The following RGS7 variants were observed in gnomAD, a reference collection of about 807,000 sequenced individuals.
RGS7 encodes the protein regulator of G-protein signaling 7.
RGS7 carries 27 observed loss-of-function variants against 81.1 expected under a neutral mutation model. The ratio of observed to expected loss-of-function variants is 0.33; its 90% CI spans 0.25 to 0.46. RGS7 has a LOEUF of 0.46. RGS7 is among the 20% of genes least tolerant of loss of function. RGS7 has a pLI of 1.00. For synonymous variants in RGS7, 208 were observed against 207.7 expected (o/e 1.00, Z -0.01); for missense variants, 396 against 607.4 (o/e 0.65, Z 3.66).
chr1:241,238,652 G>A (rs1002575907), intron 2 of RGS7, among the ~76,000 whole-genome samples: 13 of 151,740 alleles, frequency 8.6e-5, no homozygotes, highest in Admixed American at 4.6e-4. Flanking sequence ...CTCCTGCCTC[G>A]GCCTCCTGAG....
intron 2 of RGS7, among the ~76,000 whole-genome samples, chr1:241,281,489 C>A (rs566035426): frequency 1.3e-4 from 20 of 152,310 alleles, no homozygotes; most frequent in Middle Eastern, 3.4e-3. Context: ...ACCGTAAACG[C>A]TGAATAACAC....
At chr1:241,137,549 C>T (rs543257435) in intron 2 of RGS7, among the ~76,000 whole-genome samples, 2 of 152,178 alleles carry the variant, frequency 1.3e-5, no homozygotes, top group Non-Finnish European at 2.9e-5. Flanking sequence ...ACTGCCACAA[C>T]TTCCATCACA....
chr1:240,834,956 A>AC (rs774507572), intron 9 of RGS7, among the ~76,000 whole-genome samples: 10 of 144,564 alleles, frequency 6.9e-5, no homozygotes, highest in Admixed American at 2.0e-4. Flanking sequence ...ACACACACAC[A>AC]AACTCAAAAT....
At chr1:240,840,991 A>G (rs562536362) in intron 9 of RGS7, among the ~76,000 whole-genome samples, 10 of 152,260 alleles carry the variant, frequency 6.6e-5, no homozygotes, top group African/African-American at 2.2e-4. Flanking sequence ...GGTACCTATA[A>G]CTTAACCTCT....
intron 9 of RGS7, among the ~76,000 whole-genome samples, chr1:240,862,869 A>G (rs1662469517): frequency 1.3e-5 from 2 of 152,080 alleles, no homozygotes; most frequent in African/African-American, 4.8e-5. Context: ...CATAACAAAA[A>G]TAAGACCCTA....
At chr1:240,914,683 A>G (rs762333140) in intron 6 of RGS7, among the ~76,000 whole-genome samples, 2 of 152,314 alleles carry the variant, frequency 1.3e-5, no homozygotes, top group Non-Finnish European at 2.9e-5. Flanking sequence ...TCCCTTGCAA[A>G]CATCTGCTCT....
At chr1:241,280,227 T>C (rs562152753) in intron 2 of RGS7, among the ~76,000 whole-genome samples, 1 of 152,252 alleles carries the variant, frequency 6.6e-6, no homozygotes, top group East Asian at 1.9e-4. Flanking sequence ...AAATGTCATA[T>C]GAAAATGAAG....
At chr1:240,979,478 TTA>T (rs1211509216) in intron 4 of RGS7, among the ~76,000 whole-genome samples, 3 of 152,144 alleles carry the variant, frequency 2.0e-5, no homozygotes, top group African/African-American at 7.2e-5. Flanking sequence ...ATATTCTTGG[TTA>T]GAAGACAACT....
intron 9 of RGS7, among the ~76,000 whole-genome samples, chr1:240,839,408 G>C (rs1572354969): frequency 6.6e-6 from 1 of 152,248 alleles, no homozygotes; most frequent in East Asian, 1.9e-4. Flanking sequence ...CTGAGTTTTG[G>C]ATAGAATTAG....
chr1:240,910,115 T>C (rs1377854776), intron 6 of RGS7, among the ~76,000 whole-genome samples: 2 of 152,230 alleles, frequency 1.3e-5, no homozygotes, highest in African/African-American at 4.8e-5. Flanking sequence ...CCTGAACATA[T>C]TTCGAACATT....
At chr1:240,795,579 A>G (rs572932618) in intron 18 of RGS7, among the ~76,000 whole-genome samples, 1 of 152,342 alleles carries the variant, frequency 6.6e-6, no homozygotes, top group Non-Finnish European at 1.5e-5. Flanking sequence ...TATGAAAAGA[A>G]AATCAATATA....
intron 4 of RGS7, among the ~76,000 whole-genome samples, chr1:240,949,801 T>C (rs1422990261): frequency 1.6e-5 from 2 of 125,272 alleles, no homozygotes; most frequent in African/African-American, 3.2e-5. Flanking sequence ...TGAGCCAAGA[T>C]AGGGCCACTG....
chr1:240,944,282 GTATATATATATATATATATATA>G lies in RGS7; in HGVS notation c.227-7598_227-7577del, dbSNP rs760788169. Among the ~76,000 whole-genome samples, 240 of 55,820 alleles carry G rather than the reference GTATATATATATATATATATATA, an allele frequency of 4.3e-3. 11 individuals carry two copies. In the South Asian group the frequency reaches 0.063, roughly 15 times the overall value. 36.6% of individuals were successfully genotyped at this position (55,820 alleles called of 152,430 possible). A position where few individuals can be genotyped will look rare whatever the true frequency, so the allele number is the denominator to read the frequency against. ...TATATGTGTGTGTGTGTGTGTGTGT[GTATATATATATATATATATATA>G]TATATATATATATATATATATATAT... On this transcript the variant is annotated intron_variant, in intron 4 of 18. Transcript: ENST00000440928.
chr1:241,174,350 C>A (rs2070949632), intron 2 of RGS7, among the ~76,000 whole-genome samples: 1 of 152,202 alleles, frequency 6.6e-6, no homozygotes, highest in South Asian at 2.1e-4. Context: ...AACTTCAGGA[C>A]AAGAAAACTT....
chr1:241,068,257 T>TGTGTATATATATATATATATATATATAA (rs2062206347), intron 3 of RGS7, among the ~76,000 whole-genome samples: 13 of 73,262 alleles, frequency 1.8e-4, no homozygotes, highest in African/African-American at 5.7e-4. Context: ...TATATATATA[T>TGTGTATATATATATATATATATATATAA]AAAATATTGT....
chr1:240,864,442 A>C (rs410331), intron 9 of RGS7, among the ~76,000 whole-genome samples: 118,691 of 152,058 alleles, frequency 0.78, 47,350 homozygotes, highest in African/African-American at 0.95. Flanking sequence ...GTATTCCCCA[A>C]ACAGTTCAAA....
chr1:241,236,164 A>AC (rs1491199131), intron 2 of RGS7, among the ~76,000 whole-genome samples: 215 of 114,318 alleles, frequency 1.9e-3, no homozygotes, highest in African/African-American at 3.9e-3. Context: ...GCAAATGACG[A>AC]CCTCCGCCCC....
At chr1:241,064,039 C>T (rs962168186) in intron 3 of RGS7, among the ~76,000 whole-genome samples, 1 of 151,766 alleles carries the variant, frequency 6.6e-6, no homozygotes, top group Non-Finnish European at 1.5e-5. Context: ...CAAAATTAGC[C>T]GGGCATGGTG....
At chr1:241,055,487 G>T (rs569665189) in intron 3 of RGS7, among the ~76,000 whole-genome samples, 1 of 152,116 alleles carries the variant, frequency 6.6e-6, no homozygotes, top group South Asian at 2.1e-4. Flanking sequence ...AGATGCATAG[G>T]GTGACACAGA....
Sources: allele counts gnomAD v4.1 joint callset (sites outside exome capture counted in the v4.1 genomes callset), GRCh38; gene constraint gnomAD v4.1.1; transcripts MANE v1.5; gene names NCBI Gene and HGNC (gene_info 2026-07-23, HGNC 2026-07-21).